FAM178B: variants seen among roughly 807,000 people sequenced by gnomAD.
FAM178B encodes the protein protein FAM178B.
Under a neutral mutation model 91.7 loss-of-function variants are expected in FAM178B, and 82 were observed. The ratio of observed to expected loss-of-function variants is 0.89; its 90% CI spans 0.75 to 1.07. The LOEUF is 1.07. Among genes scored for constraint, FAM178B ranks in the 50% least tolerant of loss-of-function variants. The pLI is 0.00. For synonymous variants in FAM178B, 368 were observed against 359.4 expected (o/e 1.02, Z -0.27); for missense variants, 769 against 846.7 (o/e 0.91, Z 1.14).
chr2:96,883,737 C>T (rs894385148), intron 14 of FAM178B, among the ~76,000 whole-genome samples: 30 of 152,198 alleles, frequency 2.0e-4, no homozygotes, highest in Non-Finnish European at 2.8e-4. Flanking sequence ...CCCAGCCGTC[C>T]CTGCCTCTCA....
At chr2:96,878,146 G>T (rs773091861) in intron 15 of FAM178B, 104 bp from the exon 16 acceptor site, 2 of 1,266,378 alleles carry the variant, frequency 1.6e-6, no homozygotes, top group Non-Finnish European at 2.2e-6. Context: ...GGGCACATTT[G>T]AGTGACTGTT....
chr2:96,903,275 G>GT (rs1052856711), intron 12 of FAM178B, among the ~76,000 whole-genome samples: 1 of 152,140 alleles, frequency 6.6e-6, no homozygotes, highest in African/African-American at 2.4e-5. Context: ...TCCTGACCTC[G>GT]TGATCCGCTC....
At chr2:96,924,670 A>G (rs1351397167) in intron 9 of FAM178B, among the ~76,000 whole-genome samples, 1 of 152,124 alleles carries the variant, frequency 6.6e-6, no homozygotes, top group African/African-American at 2.4e-5. Context: ...CCGAATGTAC[A>G]TTGTTGATTT....
At chr2:96,909,470 C>T (rs570831352) in intron 12 of FAM178B, among the ~76,000 whole-genome samples, 11 of 152,326 alleles carry the variant, frequency 7.2e-5, no homozygotes, top group African/African-American at 2.4e-4. Flanking sequence ...CCCGTGGCTG[C>T]CCCTTCCTGC....
At chr2:96,986,128 C>T in intron 1 of FAM178B, 113 bp downstream of exon 1, 7 of 1,484,762 alleles carry the variant, frequency 4.7e-6, no homozygotes, top group Non-Finnish European at 6.2e-6. Flanking sequence ...AGCCCGGCGG[C>T]CGCACCGGGG....
At chr2:96,967,836 G>A (rs1234124110) in intron 4 of FAM178B, among the ~76,000 whole-genome samples, 1 of 149,626 alleles carries the variant, frequency 6.7e-6, no homozygotes, top group Non-Finnish European at 1.5e-5. Context: ...AATGAGCAGA[G>A]AGGAGCAAGC....
intron 13 of FAM178B, among the ~76,000 whole-genome samples, chr2:96,894,487 C>T (rs1365250074): frequency 1.5e-5 from 2 of 130,706 alleles, no homozygotes; most frequent in African/African-American, 5.9e-5. Context: ...CATCCACACC[C>T]ACCCATTCAC....
At chr2:96,982,087 C>T (rs1257873366) in intron 1 of FAM178B, among the ~76,000 whole-genome samples, 2 of 151,920 alleles carry the variant, frequency 1.3e-5, no homozygotes, top group Admixed American at 1.3e-4. Context: ...AAAAAATCTT[C>T]GTTTATTCCA....
intron 14 of FAM178B, among the ~76,000 whole-genome samples, chr2:96,887,959 C>CT (rs1487023186): frequency 6.6e-6 from 1 of 152,102 alleles, no homozygotes; most frequent in Non-Finnish European, 1.5e-5. Context: ...GCTTAACTCT[C>CT]TCACTTCAAG....
chr2:96,885,315 C>T, intron 14 of FAM178B, among the ~76,000 whole-genome samples: 1 of 152,248 alleles, frequency 6.6e-6, no homozygotes, highest in East Asian at 1.9e-4. Context: ...CGTGCCCACA[C>T]CCTCCACGCC....
Position 96,940,475 on chromosome 2 carries a change from G to A in FAM178B, c.1078+7343C>T, listed in dbSNP as rs188156701. Reference sequence around the variant, plus strand: ...AATAAGATGGTGAAGAACAGAGAGTGTCAACCTGATAGACTAAAGACTGCT... The same window carrying A: ...AATAAGATGGTGAAGAACAGAGAGTATCAACCTGATAGACTAAAGACTGCT... On this transcript the variant is annotated intron_variant, in intron 8 of 16. Coordinates refer to ENST00000490605, the MANE Select transcript of FAM178B (RefSeq NM_001122646.3). Among the ~76,000 whole-genome samples the A allele has an allele frequency of 3.9e-5, 6 of 152,330 alleles. No individual in the cohort carries two copies. The East Asian group carries it at 1.2e-3, about 29-fold the overall frequency.
At chr2:96,878,204 G>C (rs2080294327) in intron 15 of FAM178B, among the ~76,000 whole-genome samples, 162 bp from the exon 16 acceptor site, 1 of 152,228 alleles carries the variant, frequency 6.6e-6, no homozygotes, top group Admixed American at 6.5e-5. Context: ...AACTGTTGGG[G>C]CTCGGGTCAG....
At chr2:96,948,532 A>G (rs1056448111) in intron 7 of FAM178B, among the ~76,000 whole-genome samples, 14 of 152,242 alleles carry the variant, frequency 9.2e-5, no homozygotes, top group African/African-American at 3.4e-4. Flanking sequence ...CAAGGGAATA[A>G]GCAATGGGAC....
chr2:96,961,750 A>T (rs957238983), intron 5 of FAM178B, among the ~76,000 whole-genome samples: 2 of 152,056 alleles, frequency 1.3e-5, no homozygotes, highest in African/African-American at 4.8e-5. Context: ...GCAGCCCACC[A>T]ACCTAGCACA....
At chr2:96,940,381 C>T (rs2081707841) in intron 8 of FAM178B, among the ~76,000 whole-genome samples, 1 of 152,214 alleles carries the variant, frequency 6.6e-6, no homozygotes, top group Non-Finnish European at 1.5e-5. Context: ...TCGCTTCCCA[C>T]CTCCTGCAGC....
At chr2:96,898,310 G>GT (rs2080861170) in intron 13 of FAM178B, among the ~76,000 whole-genome samples, 1 of 152,174 alleles carries the variant, frequency 6.6e-6, no homozygotes, top group Non-Finnish European at 1.5e-5. Context: ...GGCAAGGAGA[G>GT]AGCTGGACAG....
chr2:96,877,853 C>T (rs778053023), intron 16 of FAM178B, 37 bp downstream of exon 16: 75 of 1,599,556 alleles, frequency 4.7e-5, no homozygotes, highest in Middle Eastern at 1.7e-4. Context: ...GACCACTTCC[C>T]GCCCCTCCCA....
intron 12 of FAM178B, among the ~76,000 whole-genome samples, chr2:96,905,948 C>T (rs532849312): frequency 4.2e-5 from 6 of 142,910 alleles, no homozygotes; most frequent in Middle Eastern, 3.9e-3. Context: ...ATCGGCTCAC[C>T]GCAACCTCTG....
intron 13 of FAM178B, among the ~76,000 whole-genome samples, chr2:96,899,442 TGCA>T (rs2080884757): frequency 6.6e-6 from 1 of 152,070 alleles, no homozygotes; most frequent in Non-Finnish European, 1.5e-5. Context: ...ATGGTGGGCA[TGCA>T]GCAAGTGGGC....
Sources: allele counts gnomAD v4.1 joint callset (sites outside exome capture counted in the v4.1 genomes callset), GRCh38; gene constraint gnomAD v4.1.1; transcripts MANE v1.5; gene names NCBI Gene and HGNC (gene_info 2026-07-23, HGNC 2026-07-21).